Variants in CACNA2D2 observed in about 807,000 individuals in gnomAD.
CACNA2D2 encodes the protein calcium voltage-gated channel auxiliary subunit alpha2delta 2, also known as voltage-dependent calcium channel subunit alpha-2/delta-2.
CACNA2D2 carries 48 observed loss-of-function variants against 166.4 expected under a neutral mutation model. The observed-to-expected ratio is 0.29, with a 90% CI of 0.23 to 0.37. The LOEUF is 0.37. CACNA2D2 is among the 10% of genes least tolerant of loss of function. CACNA2D2 has a pLI of 1.00. For synonymous variants in CACNA2D2, 561 were observed against 573.7 expected (o/e 0.98, Z 0.32); for missense variants, 1,122 against 1,433.0 (o/e 0.78, Z 3.50).
intron 1 of CACNA2D2, among the ~76,000 whole-genome samples, chr3:50,484,466 G>T (rs1698190751): frequency 6.6e-6 from 1 of 152,212 alleles, no homozygotes; most frequent in South Asian, 2.1e-4. Context: ...CGCACCCCCA[G>T]TAGCTTCCCT....
intron 2 of CACNA2D2, among the ~76,000 whole-genome samples, chr3:50,440,743 A>G (rs1440769795): frequency 6.6e-6 from 1 of 151,994 alleles, no homozygotes; most frequent in Non-Finnish European, 1.5e-5. Context: ...GGAACAGCAG[A>G]GATGGAACAG....
In CACNA2D2 at chr3:50,379,116, C is replaced by T. The variant is rs1705157348; in HGVS notation, c.1236G>A (p.Glu412=). The change falls in exon 12 of 38, where the codon GAG becomes GAA. Residue 412 remains glutamate (E), a synonymous_variant. Transcript: ENST00000424201. This position sits in a 1 kb window ranked among gnomAD's most constrained non-coding sequence, Gnocchi z 6.5. ...GGEDRVQDVF[E]KYNWPNRTVR... ...CCGTCCGGTTTGGCCAATTGTACTT[C>T]TCAAAGACGTCCTGCACGCGGTCCT... is the stretch of plus-strand genomic sequence containing the variant. The T allele has an allele frequency of 6.2e-7, 1 of 1,614,036 alleles. No homozygotes were observed. The highest frequency in any genetic ancestry group is 8.5e-7 in the Non-Finnish European group (1 of 1,180,000).
At chr3:50,400,702 C>T (rs1355978559) in intron 3 of CACNA2D2, among the ~76,000 whole-genome samples, 1 of 152,256 alleles carries the variant, frequency 6.6e-6, no homozygotes, top group African/African-American at 2.4e-5. Flanking sequence ...TGTTGACATG[C>T]ATGCCTCCTG....
intron 2 of CACNA2D2, among the ~76,000 whole-genome samples, chr3:50,462,424 A>G (rs955136149): frequency 2.4e-4 from 35 of 146,906 alleles, no homozygotes; most frequent in African/African-American, 6.5e-4. Context: ...TAATAATAAT[A>G]ATAATAATGA....
At chr3:50,431,626 T>C (rs191762603) in intron 3 of CACNA2D2, among the ~76,000 whole-genome samples, 7 of 152,306 alleles carry the variant, frequency 4.6e-5, no homozygotes, top group East Asian at 3.9e-4. Flanking sequence ...TGATGCATGA[T>C]AGACTCAGCA....
chr3:50,420,693 C>T (rs1053569716), intron 3 of CACNA2D2, among the ~76,000 whole-genome samples: 3 of 152,182 alleles, frequency 2.0e-5, no homozygotes, highest in Non-Finnish European at 4.4e-5. Flanking sequence ...GGTGGACGGA[C>T]AGATGATGGC....
At chr3:50,391,334 C>A (rs757883491) in intron 4 of CACNA2D2, among the ~76,000 whole-genome samples, 4 of 152,246 alleles carry the variant, frequency 2.6e-5, no homozygotes, top group Non-Finnish European at 5.9e-5. Flanking sequence ...GCCACTCCCC[C>A]CTCCCCTTCC....
chr3:50,417,673 C>A (rs1707326964), intron 3 of CACNA2D2, among the ~76,000 whole-genome samples: 1 of 152,200 alleles, frequency 6.6e-6, no homozygotes. Context: ...CATGCCTGTG[C>A]AGGCTCCAGG....
At chr3:50,448,452 T>C (rs766144919) in intron 2 of CACNA2D2, among the ~76,000 whole-genome samples, 2 of 152,126 alleles carry the variant, frequency 1.3e-5, no homozygotes, top group Non-Finnish European at 2.9e-5. Flanking sequence ...GGTGAGCACA[T>C]AGGAAGCGTG....
At chr3:50,410,280 G>A (rs574536177) in intron 3 of CACNA2D2, among the ~76,000 whole-genome samples, 1 of 152,356 alleles carries the variant, frequency 6.6e-6, no homozygotes, top group African/African-American at 2.4e-5. Context: ...AGACCCCAGG[G>A]CCACTCTTGC....
At position 50,434,392 on chromosome 3, in the gene CACNA2D2, T is replaced by C; in HGVS notation, c.326A>G (p.Glu109Gly). The part of the protein sequence containing the change: ...KDNRNLFEVQ[E>G]NEPQKLVEKV... Reference sequence around the variant, plus strand: ...CTCCACCAACTTCTGAGGCTCATTCTCCTGTACCTCGAACAGGTTCCGGTT... The same window carrying C: ...CTCCACCAACTTCTGAGGCTCATTCCCCTGTACCTCGAACAGGTTCCGGTT... Residue 109 changes from glutamate to glycine, a missense_variant, in exon 3 of 38, where the codon GAG becomes GGG. Coordinates refer to ENST00000424201, the MANE Select transcript of CACNA2D2 (RefSeq NM_006030.4). 6.2e-7 allele frequency: 1 copy of C among 1,614,138 alleles called. No homozygotes were observed. The highest frequency in any genetic ancestry group is 8.5e-7 in the Non-Finnish European group (1 of 1,179,998).
At chr3:50,448,015 A>G (rs1422762039) in intron 2 of CACNA2D2, among the ~76,000 whole-genome samples, 1 of 152,110 alleles carries the variant, frequency 6.6e-6, no homozygotes, top group Non-Finnish European at 1.5e-5. Flanking sequence ...CGTCCCCTCC[A>G]TGAACAAAAC....
At chr3:50,499,184 G>A (rs144665343) in intron 1 of CACNA2D2, among the ~76,000 whole-genome samples, 1 of 152,342 alleles carries the variant, frequency 6.6e-6, no homozygotes, top group African/African-American at 2.4e-5. Flanking sequence ...CCCAGAGCTG[G>A]GATGGGAAGG....
At position 50,407,047 on chromosome 3, in the gene CACNA2D2, G is replaced by C. The variant is rs778224411; in HGVS notation, c.406-12879C>G. On this transcript the variant is annotated intron_variant, in intron 3 of 37. Coordinates refer to ENST00000424201, the MANE Select transcript of CACNA2D2 (RefSeq NM_006030.4). The stretch of plus-strand genomic sequence containing the variant: ...GCTTGTATCTAGGTACCTTGACCTA[G>C]GTGCTTGATCTAGGTATCTGTGACC... Among the ~76,000 whole-genome samples the C allele has an allele frequency of 4.0e-5, 6 of 151,820 alleles. 1 individual carries two copies. Among genetic ancestry groups the C allele is most frequent in the East Asian group, 2.1e-4 (1 of 4,856 alleles).
chr3:50,382,534 C>T (rs1044690386), intron 6 of CACNA2D2, among the ~76,000 whole-genome samples: 1 of 152,242 alleles, frequency 6.6e-6, no homozygotes, highest in Non-Finnish European at 1.5e-5. Flanking sequence ...CTGTCTGTTC[C>T]TGTGGCTTCC....
intron 4 of CACNA2D2, among the ~76,000 whole-genome samples, chr3:50,388,922 C>T (rs1705746451): frequency 6.6e-6 from 1 of 152,256 alleles, no homozygotes; most frequent in South Asian, 2.1e-4. Context: ...AAGACCACAA[C>T]TTCCTGAGGA....
Position 50,380,258 on chromosome 3 carries a change from C to T in CACNA2D2, c.843-240G>A, listed in dbSNP as rs1338520739. Reference sequence around the variant, plus strand: ...AGGGGGTATATGAGCAGGTGATCCCCAGAGGGGGCAGGAGCCACATTCCCT... The same window carrying T: ...AGGGGGTATATGAGCAGGTGATCCCTAGAGGGGGCAGGAGCCACATTCCCT... On this transcript the variant is annotated intron_variant, in intron 8 of 37. Transcript: ENST00000424201. This position sits in a 1 kb window ranked among gnomAD's most constrained non-coding sequence, Gnocchi z 4.9. 6.6e-6 allele frequency among the ~76,000 whole-genome samples: 1 copy of T among 152,232 alleles called. No homozygotes were observed. The highest frequency in any genetic ancestry group is 2.4e-5 in the African/African-American group (1 of 41,442).
In CACNA2D2 at chr3:50,376,286, G is replaced by T. The variant is rs950766945; in HGVS notation, c.1627-98C>A. On this transcript the variant is annotated intron_variant, in intron 17 of 37. Transcript: ENST00000424201. This position sits in a 1 kb window ranked among gnomAD's most constrained non-coding sequence, Gnocchi z 4.3. ...TATTTGGCCTCCCACCGCACCGAGAGATTCTGTTTGCCTGCCTTGGGCTAA... is the reference window on the plus strand; with the variant it reads ...TATTTGGCCTCCCACCGCACCGAGATATTCTGTTTGCCTGCCTTGGGCTAA... The T allele has an allele frequency of 2.4e-6, 3 of 1,268,756 alleles. No individual in the cohort carries two copies. The highest frequency in any genetic ancestry group is 3.3e-6 in the Non-Finnish European group (3 of 901,400). The allele number at this position is 1,268,756 out of a possible 1,614,324, so 78.6% of individuals were successfully genotyped here. A position where few individuals can be genotyped will look rare whatever the true frequency, so the allele number is the denominator to read the frequency against.
At position 50,379,304 on chromosome 3, in the gene CACNA2D2, G is replaced by A; in HGVS notation, c.1153-105C>T. The A allele has an allele frequency of 7.0e-7, 1 of 1,437,708 alleles. No individual in the cohort carries two copies. Among genetic ancestry groups the A allele is most frequent in the South Asian group, 1.2e-5 (1 of 84,606 alleles). The allele number at this position is 1,437,708 out of a possible 1,614,324, so 89.1% of individuals were successfully genotyped here. ...GGACCTCTGGCCCTCCTCCCCCACAGCAGATGGAGCTATCTGTCCAAGCTG... is the reference window on the plus strand; with the variant it reads ...GGACCTCTGGCCCTCCTCCCCCACAACAGATGGAGCTATCTGTCCAAGCTG... On this transcript the variant is annotated intron_variant, in intron 11 of 37. Coordinates refer to ENST00000424201, the MANE Select transcript of CACNA2D2 (RefSeq NM_006030.4). This position sits in a 1 kb window ranked among gnomAD's most constrained non-coding sequence, Gnocchi z 6.5.
Sources: allele counts gnomAD v4.1 joint callset (sites outside exome capture counted in the v4.1 genomes callset), GRCh38; gene constraint gnomAD v4.1.1; non-coding constraint Gnocchi (gnomAD v3.1); transcripts MANE v1.5; gene names NCBI Gene and HGNC (gene_info 2026-07-23, HGNC 2026-07-21).